LEKR1: variants seen among roughly 807,000 people sequenced by gnomAD.
LEKR1 encodes the protein protein LEKR1.
In LEKR1, 59 loss-of-function variants were observed where a neutral mutation model predicts 72.4. The ratio of observed to expected loss-of-function variants is 0.82; its 90% CI spans 0.66 to 1.01. The LOEUF (loss-of-function observed/expected upper bound fraction) is 1.01. Ranked by LOEUF, LEKR1 falls within the 50% of genes least tolerant of loss-of-function variation. LEKR1 has a pLI of 0.00. For synonymous variants in LEKR1, 257 were observed against 263.2 expected, an observed-to-expected ratio of 0.98 and a Z score of 0.23; for missense variants, 728 against 759.2, an observed-to-expected ratio of 0.96 and a Z score of 0.48.
chr3:156,956,991 T>G (rs1185612886), intron 6 of LEKR1, among the ~76,000 whole-genome samples: 1 of 152,054 alleles, frequency 6.6e-6, no homozygotes, highest in African/African-American at 2.4e-5. Context: ...AAAGTTTTCC[T>G]TCATTTGGTG....
intron 2 of LEKR1, among the ~76,000 whole-genome samples, chr3:156,845,527 G>T (rs1714477846): frequency 6.7e-6 from 1 of 149,912 alleles, no homozygotes; most frequent in Non-Finnish European, 1.5e-5. Context: ...TTTAGGTTGA[G>T]GTTCCTTTTT....
intron 3 of LEKR1, among the ~76,000 whole-genome samples, chr3:156,907,700 T>C (rs769255821): frequency 2.6e-5 from 4 of 152,180 alleles, no homozygotes; most frequent in Non-Finnish European, 4.4e-5. Flanking sequence ...CAGATAGTTT[T>C]CAGATACACA....
chr3:156,854,930 T>G (rs1441956767), intron 3 of LEKR1, among the ~76,000 whole-genome samples: 3 of 152,148 alleles, frequency 2.0e-5, no homozygotes, highest in Non-Finnish European at 4.4e-5. Context: ...ATCAAACATA[T>G]TGTTGTGCTG....
intron 6 of LEKR1, among the ~76,000 whole-genome samples, chr3:156,964,021 A>G (rs1056363290): frequency 4.6e-5 from 7 of 152,136 alleles, no homozygotes; most frequent in African/African-American, 1.7e-4. Context: ...GCTTACAAGA[A>G]CCATCCATGG....
chr3:156,919,749 A>T (rs951638498), intron 3 of LEKR1, among the ~76,000 whole-genome samples: 1 of 152,208 alleles, frequency 6.6e-6, no homozygotes, highest in Non-Finnish European at 1.5e-5. Context: ...GATGTATTAG[A>T]TCAAGTTTAT....
At chr3:156,955,406 G>A (rs1039529084) in intron 6 of LEKR1, among the ~76,000 whole-genome samples, 1 of 151,984 alleles carries the variant, frequency 6.6e-6, no homozygotes, top group Non-Finnish European at 1.5e-5. Context: ...GTGAGAAAGG[G>A]CATCTTTGTT....
chr3:156,871,587 T>G (rs1717965533), intron 3 of LEKR1, among the ~76,000 whole-genome samples: 1 of 152,120 alleles, frequency 6.6e-6, no homozygotes, highest in South Asian at 2.1e-4. Flanking sequence ...TGTAAAAGTG[T>G]TCCTATTTCT....
At chr3:156,942,230 ATAT>A (rs1351105253) in intron 5 of LEKR1, among the ~76,000 whole-genome samples, 4 of 152,012 alleles carry the variant, frequency 2.6e-5, no homozygotes, top group African/African-American at 9.7e-5. Context: ...CATTACACAG[ATAT>A]TATTCATTTA....
intron 3 of LEKR1, among the ~76,000 whole-genome samples, chr3:156,894,524 A>G (rs1720985802): frequency 6.6e-6 from 1 of 152,228 alleles, no homozygotes; most frequent in African/African-American, 2.4e-5. Flanking sequence ...TATTTTTCAT[A>G]GAATTAGAAA....
intron 7 of LEKR1, among the ~76,000 whole-genome samples, chr3:156,986,683 G>C (rs867485746): frequency 1.3e-5 from 2 of 152,190 alleles, no homozygotes; most frequent in Non-Finnish European, 2.9e-5. Context: ...TAGTAGTTAC[G>C]TCAACTTGGG....
chr3:156,891,822 G>A (rs1202841723), intron 3 of LEKR1, among the ~76,000 whole-genome samples: 1 of 152,108 alleles, frequency 6.6e-6, no homozygotes, highest in Non-Finnish European at 1.5e-5. Flanking sequence ...AACAAGAAAA[G>A]TTCAAGGTGA....
chr3:156,960,346 C>T lies in LEKR1; in HGVS notation c.745+17632C>T, dbSNP rs564775095. On this transcript the variant is annotated intron_variant, in intron 6 of 12. Coordinates refer to ENST00000356539, the MANE Select transcript of LEKR1 (RefSeq NM_001004316.3). ...TGTTGCCCAGACTGGAGTGCAGTGG[C>T]GCGATCTCGGCTCACTGCAACCTCC... Among the ~76,000 whole-genome samples, 18 of 152,184 alleles carry T rather than the reference C, an allele frequency of 1.2e-4. 1 individual carries two copies. Among genetic ancestry groups the T allele is most frequent in the East Asian group, 5.8e-4 (3 of 5,174 alleles).
intron 4 of LEKR1, among the ~76,000 whole-genome samples, chr3:156,923,484 T>C (rs926584844): frequency 6.6e-6 from 1 of 152,268 alleles, no homozygotes; most frequent in Non-Finnish European, 1.5e-5. Flanking sequence ...TTCACTCATG[T>C]TGTGGCACTT....
chr3:156,873,839 C>A (rs1476925973), intron 3 of LEKR1, among the ~76,000 whole-genome samples: 2 of 151,946 alleles, frequency 1.3e-5, no homozygotes, highest in African/African-American at 4.8e-5. Context: ...TCTTTCCTGG[C>A]CCATAAAGTT....
At chr3:156,963,511 C>A (rs1301521075) in intron 6 of LEKR1, among the ~76,000 whole-genome samples, 1 of 152,104 alleles carries the variant, frequency 6.6e-6, no homozygotes, top group Admixed American at 6.6e-5. Context: ...ATACTCCCAC[C>A]CTCTTGCCCA....
rs531305955 is a variant in LEKR1, at chr3:156,835,260, A to G, written c.48+5883A>G. Among the ~76,000 whole-genome samples the G allele has an allele frequency of 2.6e-5, 4 of 152,340 alleles. No individual in the cohort carries two copies. The East Asian group carries it at 7.7e-4, about 29-fold the overall frequency. On this transcript the variant is annotated intron_variant, in intron 2 of 12. Transcript: ENST00000356539. Reference sequence around the variant, plus strand: ...AGACATTAAGCCAAAACATTGTATGATAATAGTTTCTAATATACACAGGCA... The same window carrying G: ...AGACATTAAGCCAAAACATTGTATGGTAATAGTTTCTAATATACACAGGCA...
At chr3:156,906,700 A>G (rs1007625836) in intron 3 of LEKR1, among the ~76,000 whole-genome samples, 10 of 152,226 alleles carry the variant, frequency 6.6e-5, no homozygotes, top group African/African-American at 2.2e-4. Context: ...GAAAGAAGAA[A>G]AGTAGACTAG....
intron 7 of LEKR1, among the ~76,000 whole-genome samples, chr3:156,987,276 C>T (rs1170180503): frequency 6.6e-6 from 1 of 151,964 alleles, no homozygotes; most frequent in Non-Finnish European, 1.5e-5. Context: ...AAAGGTAGAC[C>T]ATAAAAAGAC....
intron 5 of LEKR1, among the ~76,000 whole-genome samples, chr3:156,933,302 TA>T (rs1176909368): frequency 1.5e-4 from 23 of 152,214 alleles, no homozygotes; most frequent in African/African-American, 5.5e-4. Flanking sequence ...ATGTTTTTGT[TA>T]TTTTTTGGGT....
Sources: gnomAD v4.1 joint callset for allele counts (sites outside exome capture counted in the v4.1 genomes callset) on GRCh38, gnomAD v4.1.1 for gene constraint, MANE v1.5 for transcripts, NCBI Gene and HGNC (gene_info 2026-07-23, HGNC 2026-07-21) for gene names.